Variants in MCU observed in about 807,000 individuals in gnomAD.
MCU encodes mitochondrial calcium uniporter.
Under a neutral mutation model 45.2 loss-of-function variants are expected in MCU, and 12 were observed. The observed-to-expected ratio is 0.27, with a 90% CI of 0.17 to 0.43. The LOEUF is 0.43. Among genes scored for constraint, MCU ranks in the 20% least tolerant of loss-of-function variants. MCU has a pLI of 1.00. For synonymous variants in MCU, 160 were observed against 165.1 expected, an observed-to-expected ratio of 0.97 and a Z score of 0.24; for missense variants, 324 against 436.7, an observed-to-expected ratio of 0.74 and a Z score of 2.30.
chr10:72,700,523 G>T (rs1177064951), intron 1 of MCU, among the ~76,000 whole-genome samples: 2 of 152,206 alleles, frequency 1.3e-5, no homozygotes, highest in Non-Finnish European at 2.9e-5. Flanking sequence ...CTTGCAGTTA[G>T]CTTGTGTAAA....
intron 1 of MCU, among the ~76,000 whole-genome samples, chr10:72,788,105 A>C (rs1589460099): frequency 6.6e-6 from 1 of 152,226 alleles, no homozygotes; most frequent in East Asian, 1.9e-4. Context: ...GAAAGTGTTA[A>C]CAATGTGAAG....
At chr10:72,868,570 G>T in intron 4 of MCU, 133 bp from the exon 5 acceptor site, 8 of 664,690 alleles carry the variant, frequency 1.2e-5, no homozygotes, top group Non-Finnish European at 1.9e-5. Context: ...AAAAAAAAGA[G>T]AGCTATTACT....
intron 4 of MCU, 93 bp downstream of exon 4, chr10:72,860,620 A>G: frequency 1.0e-6 from 1 of 953,378 alleles, no homozygotes; most frequent in Non-Finnish European, 1.6e-6. Context: ...TGAGAAACAG[A>G]CAGTATTCAA....
At chr10:72,880,437 A>G (rs539384209) in intron 6 of MCU, among the ~76,000 whole-genome samples, 21 of 151,204 alleles carry the variant, frequency 1.4e-4, no homozygotes, top group Admixed American at 3.3e-4. Context: ...GCACCTTAAA[A>G]TTACTTTTAA....
intron 1 of MCU, among the ~76,000 whole-genome samples, chr10:72,780,944 A>G (rs976872015): frequency 2.2e-4 from 34 of 152,218 alleles, no homozygotes; most frequent in Non-Finnish European, 5.9e-5. Context: ...TGACATTGTG[A>G]TACCCGTTTA....
intron 1 of MCU, among the ~76,000 whole-genome samples, chr10:72,695,556 C>A (rs1442949632): frequency 6.6e-6 from 1 of 152,140 alleles, no homozygotes; most frequent in Non-Finnish European, 1.5e-5. Context: ...ACTCCTCTAG[C>A]CTTTAAGGTT....
intron 1 of MCU, among the ~76,000 whole-genome samples, chr10:72,798,452 C>G (rs1029559121): frequency 6.6e-6 from 1 of 151,996 alleles, no homozygotes; most frequent in African/African-American, 2.4e-5. Context: ...TCACCATGCC[C>G]GGCTAATTTT....
intron 1 of MCU, among the ~76,000 whole-genome samples, chr10:72,781,647 G>T (rs1375241735): frequency 1.3e-5 from 2 of 152,178 alleles, no homozygotes; most frequent in Non-Finnish European, 2.9e-5. Context: ...AATCAGTTGA[G>T]GCTTAAATAT....
chr10:72,846,339 G>C, intron 2 of MCU, among the ~76,000 whole-genome samples: 1 of 152,110 alleles, frequency 6.6e-6, no homozygotes, highest in East Asian at 1.9e-4. Context: ...CACTGCACGC[G>C]GCCCAATTAA....
intron 2 of MCU, among the ~76,000 whole-genome samples, chr10:72,838,160 T>A (rs1241837317): frequency 6.6e-6 from 1 of 152,078 alleles, no homozygotes; most frequent in East Asian, 1.9e-4. Context: ...CGCGCCCGGC[T>A]GCCAAATACT....
At position 72,796,699 on chromosome 10, in the gene MCU, T is replaced by G. The variant is rs149254751; in HGVS notation, c.151-37660T>G. ...TGGCTACTTTTTAGTTTTTGTTTTT[T>G]TTTTTTTTTGTAGAGATGGGGTCTT... On this transcript the variant is annotated intron_variant, in intron 1 of 7. Coordinates refer to ENST00000373053, the MANE Select transcript of MCU (RefSeq NM_138357.3). Among the ~76,000 whole-genome samples, 610 of 150,362 alleles carry G rather than the reference T, an allele frequency of 4.1e-3. 6 individuals carry two copies. The highest frequency in any genetic ancestry group is 0.014 in the African/African-American group (563 of 41,152).
chr10:72,853,906 G>A (rs932824513), intron 2 of MCU, among the ~76,000 whole-genome samples: 1 of 152,130 alleles, frequency 6.6e-6, no homozygotes, highest in African/African-American at 2.4e-5. Flanking sequence ...GGCTGAGGCA[G>A]GTGGATCCCC....
rs1168373965 is a variant in MCU, at chr10:72,769,795, T to A, written c.151-64564T>A. ...CATTTCCCCACAATCCTTCCAGCCC[T>A]AGGCAACCAGTAAGCTACTTTTCGT... On this transcript the variant is annotated intron_variant, in intron 1 of 7. Transcript: ENST00000373053. Among the ~76,000 whole-genome samples the A allele has an allele frequency of 2.0e-5, 3 of 152,208 alleles. No individual in the cohort carries two copies. The East Asian group carries it at 5.8e-4, about 29-fold the overall frequency.
chr10:72,882,876 T>A (rs1845725775), intron 6 of MCU, among the ~76,000 whole-genome samples: 2 of 152,194 alleles, frequency 1.3e-5, no homozygotes, highest in Non-Finnish European at 1.5e-5. Context: ...TCACGGAACC[T>A]ACCGACATGT....
At chr10:72,862,083 G>A (rs1378264952) in intron 4 of MCU, among the ~76,000 whole-genome samples, 4 of 150,034 alleles carry the variant, frequency 2.7e-5, no homozygotes, top group East Asian at 2.0e-4. Context: ...CCAGGTTCAC[G>A]CCATTCTCCT....
intron 2 of MCU, among the ~76,000 whole-genome samples, chr10:72,850,501 C>T (rs758037331): frequency 3.3e-5 from 5 of 152,114 alleles, no homozygotes; most frequent in Non-Finnish European, 5.9e-5. Flanking sequence ...TTGTTTTGAA[C>T]ACCAGCCAAA....
chr10:72,785,189 C>T (rs2132757114), intron 1 of MCU, among the ~76,000 whole-genome samples: 1 of 152,338 alleles, frequency 6.6e-6, no homozygotes, highest in South Asian at 2.1e-4. Flanking sequence ...TCCAGCCAAA[C>T]CTGGCAGTGC....
In MCU at chr10:72,830,876, C is replaced by T. The variant is rs565325158; in HGVS notation, c.151-3483C>T. Among the ~76,000 whole-genome samples, 8 of 152,332 alleles carry T rather than the reference C, an allele frequency of 5.3e-5. No individual in the cohort carries two copies. In the East Asian group the frequency reaches 1.3e-3, roughly 26 times the overall value. On this transcript the variant is annotated intron_variant, in intron 1 of 7. Transcript: ENST00000373053. ...GCCAAACACAGTTCTCCAAAGGAAG[C>T]TGCCGACCTCAGACTTCTCCAAAGC...
intron 1 of MCU, among the ~76,000 whole-genome samples, chr10:72,740,122 C>T (rs1473044808): frequency 6.6e-6 from 1 of 152,024 alleles, no homozygotes; most frequent in Admixed American, 6.5e-5. Context: ...TGGCTCACGC[C>T]TGTAATCCCA....
Sources: allele counts gnomAD v4.1 joint callset (sites outside exome capture counted in the v4.1 genomes callset), GRCh38; gene constraint gnomAD v4.1.1; transcripts MANE v1.5; gene names NCBI Gene and HGNC (gene_info 2026-07-23, HGNC 2026-07-21).